The following SLCO1A2 variants were observed in gnomAD, a reference collection of about 807,000 sequenced individuals.
SLCO1A2 encodes the protein solute carrier organic anion transporter family member 1A2, also known as OATP-1.
A neutral mutation model predicts 69.0 loss-of-function variants in SLCO1A2; 67 were observed. The ratio of observed to expected loss-of-function variants is 0.97; its 90% CI spans 0.80 to 1.19. The LOEUF (loss-of-function observed/expected upper bound fraction) is 1.19. Among genes scored for constraint, SLCO1A2 ranks in the 50% most tolerant of loss-of-function variants. The pLI, the probability that SLCO1A2 is intolerant of heterozygous loss-of-function variation, is 0.00. For missense variants in SLCO1A2, 787 were observed against 793.7 expected, an observed-to-expected ratio of 0.99 and a Z score of 0.10; for synonymous variants, 260 against 265.9, an observed-to-expected ratio of 0.98 and a Z score of 0.22.
chr12:21,337,087 AT>A (rs1490814376), upstream of SLCO1A2, among the ~76,000 whole-genome samples: 3 of 152,020 alleles, frequency 2.0e-5, no homozygotes, highest in African/African-American at 7.2e-5. Context: ...AAACACACAA[AT>A]AAGAGGAACT....
At chr12:21,317,707 C>CT (rs1257028508) in intron 3 of SLCO1A2, among the ~76,000 whole-genome samples, 2 of 152,170 alleles carry the variant, frequency 1.3e-5, no homozygotes, top group African/African-American at 2.4e-5. Flanking sequence ...TCAAGAATCA[C>CT]TTGTTTCAGT....
At chr12:21,336,053 A>G (rs1204226868), upstream of SLCO1A2, among the ~76,000 whole-genome samples, 3 of 152,044 alleles carry the variant, frequency 2.0e-5, no homozygotes, top group South Asian at 4.1e-4. Context: ...TTTGCTTGGT[A>G]TGTAAGTGGT....
chr12:21,404,483 G>GGTGTTTA (rs1391463729), intron 1 of SLCO1A2, among the ~76,000 whole-genome samples: 6 of 152,044 alleles, frequency 3.9e-5, no homozygotes, highest in Non-Finnish European at 2.9e-5. Flanking sequence ...AGAAACATGT[G>GGTGTTTA]GTGTTTAGTT....
chr12:21,386,499 A>G (rs1255347061), intron 1 of SLCO1A2, among the ~76,000 whole-genome samples: 3 of 152,032 alleles, frequency 2.0e-5, no homozygotes, highest in East Asian at 3.9e-4. Context: ...GATAGTGAAT[A>G]AGTCTCACGA....
At chr12:21,400,697 A>G (rs1303651786) in intron 1 of SLCO1A2, among the ~76,000 whole-genome samples, 1 of 148,716 alleles carries the variant, frequency 6.7e-6, no homozygotes, top group Non-Finnish European at 1.5e-5. Context: ...CTATGCAGCC[A>G]TAAAAAATGA....
Position 21,361,380 on chromosome 12 carries a change from C to G in SLCO1A2, c.-63+13019G>C, listed in dbSNP as rs375660409. ...AAGGACATCCACACCAAAACCCCAT[C>G]TGTAGGTCACCATGATCAGAGACGA... On this transcript the variant is annotated intron_variant, in intron 2 of 15. Transcript: ENST00000307378. 7.2e-5 allele frequency among the ~76,000 whole-genome samples: 11 copies of G among 152,272 alleles called. No individual in the cohort carries two copies. The East Asian group carries it at 1.4e-3, about 19-fold the overall frequency.
chr12:21,282,420 G>C (rs1944961930), intron 12 of SLCO1A2, among the ~76,000 whole-genome samples: 1 of 151,812 alleles, frequency 6.6e-6, no homozygotes, highest in Admixed American at 6.6e-5. Flanking sequence ...CAAAAAACTG[G>C]GTATAAAAGG....
intron 2 of SLCO1A2, among the ~76,000 whole-genome samples, chr12:21,352,019 C>T (rs940069699): frequency 7.2e-5 from 11 of 151,984 alleles, no homozygotes; most frequent in African/African-American, 2.7e-4. Flanking sequence ...GTGGCATAAA[C>T]GAAATCTCGG....
intron 13 of SLCO1A2, chr12:21,274,875 G>T: frequency 1.9e-6 from 2 of 1,038,280 alleles, no homozygotes; most frequent in Non-Finnish European, 2.4e-6. Context: ...CCAGTTATAT[G>T]TACATTTTAT....
At chr12:21,377,544 A>G (rs1565522872) in intron 1 of SLCO1A2, among the ~76,000 whole-genome samples, 1 of 152,144 alleles carries the variant, frequency 6.6e-6, no homozygotes, top group Admixed American at 6.5e-5. Flanking sequence ...TGTACACCCA[A>G]TGGTTAGTAA....
At chr12:21,351,256 A>G (rs1251649286) in intron 2 of SLCO1A2, among the ~76,000 whole-genome samples, 1 of 152,210 alleles carries the variant, frequency 6.6e-6, no homozygotes, top group African/African-American at 2.4e-5. Flanking sequence ...CATGGAGGTC[A>G]CAAAGTTCAA....
chr12:21,412,249 C>A (rs757270695), intron 1 of SLCO1A2, among the ~76,000 whole-genome samples: 1 of 151,830 alleles, frequency 6.6e-6, no homozygotes, highest in African/African-American at 2.4e-5. Context: ...GGCATGGTGG[C>A]GGGCGCCTGT....
At chr12:21,280,276 C>A (rs2136164397) in intron 12 of SLCO1A2, among the ~76,000 whole-genome samples, 1 of 152,054 alleles carries the variant, frequency 6.6e-6, no homozygotes. Context: ...CTCTCCAATA[C>A]AATGACATAA....
chr12:21,389,830 A>G (rs996895393), intron 1 of SLCO1A2, among the ~76,000 whole-genome samples: 3 of 151,548 alleles, frequency 2.0e-5, no homozygotes, highest in South Asian at 4.1e-4. Flanking sequence ...GAAAATGAGT[A>G]GGAAAAATAA....
At chr12:21,376,442 G>A (rs1940197924) in intron 1 of SLCO1A2, 1 of 197,220 alleles carries the variant, frequency 5.1e-6, no homozygotes, top group Non-Finnish European at 1.1e-5. Flanking sequence ...CTTTTGAAAT[G>A]TACATTGGTC....
chr12:21,395,904 A>G (rs1424078775), upstream of SLCO1A2, among the ~76,000 whole-genome samples: 1 of 151,526 alleles, frequency 6.6e-6, no homozygotes, highest in Non-Finnish European at 1.5e-5. Context: ...AAAAGTAGAT[A>G]AAACCACAAA....
chr12:21,416,382 AC>A (rs2137212453), intron 1 of SLCO1A2, among the ~76,000 whole-genome samples: 2 of 151,886 alleles, frequency 1.3e-5, no homozygotes, highest in African/African-American at 4.8e-5. Flanking sequence ...ACACACACAC[AC>A]ACAAAAGACA....
rs377696556 is a variant in SLCO1A2, at chr12:21,301,518, T to C, written c.590-249A>G. ...ATTCCCTTTCATGCTGGGTCACAGG[T>C]AGAGATTTGCTGTAACAGCACAGGC... On this transcript the variant is annotated intron_variant, in intron 6 of 14. Coordinates refer to ENST00000683939, the MANE Select transcript of SLCO1A2 (RefSeq NM_001386879.1). 1.5e-3 allele frequency among the ~76,000 whole-genome samples: 222 copies of C among 149,890 alleles called. 7 individuals are homozygous for C. In the South Asian group the frequency reaches 0.045, roughly 30 times the overall value.
chr12:21,320,686 A>G (rs1032354669), intron 2 of SLCO1A2, among the ~76,000 whole-genome samples: 3 of 152,000 alleles, frequency 2.0e-5, no homozygotes, highest in Non-Finnish European at 4.4e-5. Context: ...TTTAGTACAG[A>G]CGGGGTTTCA....
Sources: gnomAD v4.1 joint callset for allele counts (sites outside exome capture counted in the v4.1 genomes callset) on GRCh38, gnomAD v4.1.1 for gene constraint, MANE v1.5 for transcripts, NCBI Gene and HGNC (gene_info 2026-07-23, HGNC 2026-07-21) for gene names.